Variants in CDV3 observed in about 807,000 individuals in gnomAD.
CDV3 encodes the protein protein CDV3 homolog.
Under a neutral mutation model 24.5 loss-of-function variants are expected in CDV3, and 14 were observed. That is an observed-to-expected ratio of 0.57 (90% CI 0.38 to 0.89). The LOEUF is 0.89. Ranked by LOEUF, CDV3 falls within the 40% of genes least tolerant of loss-of-function variation. The pLI is 0.00. For missense variants in CDV3, 304 were observed against 310.2 expected, an observed-to-expected ratio of 0.98 and a Z score of 0.15; for synonymous variants, 114 against 114.1, an observed-to-expected ratio of 1.00 and a Z score of 0.00.
At chr3:133,574,657 C>T (rs2074733632) in intron 1 of CDV3, 1 of 1,029,704 alleles carries the variant, frequency 9.7e-7, no homozygotes, top group Non-Finnish European at 1.2e-6. Flanking sequence ...TGAATTTTCG[C>T]TTTCAGCAGC....
Position 133,586,583 on chromosome 3 carries a change from G to A in CDV3, c.487G>A (p.Ala163Thr). ...ATTAGTTACAGAAACCCCAGAACCA[G>A]CGATGACTAGTGGTGTGTATAGGCC... ...PVIVTETPEPAMTSGVYRPPG... is the reference protein window; with the variant it reads ...PVIVTETPEPTMTSGVYRPPG... Residue 163 changes from alanine (A) to threonine (T), a missense_variant, in exon 4 of 5, where the codon GCG becomes ACG. By Grantham distance (58) the Ala-to-Thr change is moderately conservative. Around this residue, in one of 3 missense-constraint regions of CDV3, gnomAD observed 219 missense variants for 203.6 expected, o/e 1.08. Coordinates refer to ENST00000264993, the MANE Select transcript of CDV3 (RefSeq NM_017548.5). 6.3e-7 allele frequency: 1 copy of A among 1,591,668 alleles called. No homozygotes were observed. Among genetic ancestry groups the A allele is most frequent in the Non-Finnish European group, 8.6e-7 (1 of 1,161,122 alleles).
intron 4 of CDV3, chr3:133,587,147 A>G (rs1438560585): frequency 4.9e-5 from 62 of 1,255,590 alleles, no homozygotes; most frequent in Non-Finnish European, 6.1e-5. Context: ...TATTAAAATA[A>G]TCTTATTTCA....
chr3:133,577,259 C>T (rs564846278), intron 2 of CDV3, among the ~76,000 whole-genome samples: 7 of 152,160 alleles, frequency 4.6e-5, no homozygotes, highest in Admixed American at 3.9e-4. Context: ...ACACTCCTTC[C>T]CATATGTTCT....
chr3:133,588,674 C>T lies in CDV3; in HGVS notation c.*628C>T. ...CTGAAAAGAACTGATGTGTTCAGAT[C>T]ATCTGTGTAGGGCTGTGATTTGTAA... On this transcript the variant is annotated 3_prime_UTR_variant, in exon 5 of 5. Transcript: ENST00000264993. 2.3e-6 allele frequency: 1 copy of T among 431,218 alleles called. No homozygotes were observed. The allele number at this position is 431,218 out of a possible 1,614,324, so 26.7% of individuals were successfully genotyped here.
At chr3:133,579,620 T>C (rs1202284501) in intron 2 of CDV3, among the ~76,000 whole-genome samples, 2 of 152,196 alleles carry the variant, frequency 1.3e-5, no homozygotes, top group East Asian at 1.9e-4. Flanking sequence ...TGATAGAGTT[T>C]TTGCTTTTGT....
rs564990387 is a variant in CDV3 at position 133,584,472 on chromosome 3, G to A, written c.466+322G>A. Among the ~76,000 whole-genome samples, 21 of 152,238 alleles carry A rather than the reference G, an allele frequency of 1.4e-4. No individual in the cohort carries two copies. In the South Asian group the frequency reaches 2.1e-3, roughly 15 times the overall value. On this transcript the variant is annotated intron_variant, in intron 3 of 4. Coordinates refer to ENST00000264993, the MANE Select transcript of CDV3 (RefSeq NM_017548.5). ...TAAATATTAACTACTTGCTAATGGA[G>A]GAAAAGGTAAGGAAAAGACTTTAAT...
chr3:133,581,914 CTG>C (rs1933065848), intron 2 of CDV3, among the ~76,000 whole-genome samples: 2 of 152,280 alleles, frequency 1.3e-5, no homozygotes, highest in South Asian at 4.1e-4. Context: ...AAAAGGAAAA[CTG>C]AGAGATGGCT....
chr3:133,574,051 G>A lies in CDV3; in HGVS notation c.7G>A (p.Glu3Lys). ...GGTCGAGGAGGCCGAGGCCATGGCT[G>A]AGACGGAGGAGCGGAGCCTGGACAA... MA[E>K]TEERSLDNFF... Residue 3 changes from glutamate to lysine, a missense_variant, in exon 1 of 5, where the codon GAG (glutamate) becomes AAG (lysine). Transcript: ENST00000264993. 2 of 1,207,660 alleles carry A rather than the reference G, an allele frequency of 1.7e-6. No homozygotes were observed. 74.8% of individuals were successfully genotyped at this position (1,207,660 alleles called of 1,614,324 possible). A position where few individuals can be genotyped will look rare whatever the true frequency, so the allele number is the denominator to read the frequency against.
At chr3:133,579,773 A>G (rs2074947230) in intron 2 of CDV3, among the ~76,000 whole-genome samples, 1 of 152,050 alleles carries the variant, frequency 6.6e-6, no homozygotes, top group African/African-American at 2.4e-5. Flanking sequence ...TTGTATTTTT[A>G]GTAGAGACAG....
intron 2 of CDV3, among the ~76,000 whole-genome samples, chr3:133,583,099 G>A (rs1204331600): frequency 6.6e-6 from 1 of 152,166 alleles, no homozygotes; most frequent in Non-Finnish European, 1.5e-5. Context: ...AAGATGGTAT[G>A]TTACCACTGA....
intron 1 of CDV3, 106 bp downstream of exon 1, chr3:133,574,390 G>T (rs2074720322): frequency 1.1e-6 from 1 of 949,090 alleles, no homozygotes; most frequent in African/African-American, 1.8e-5. Flanking sequence ...GCGGAGGCCG[G>T]GCGGACGGGC....
Position 133,588,592 on chromosome 3 carries a change from T to C in CDV3, c.*546T>C. The C allele has an allele frequency of 3.4e-6, 2 of 595,220 alleles. No homozygotes were observed. The highest frequency in any genetic ancestry group is 6.0e-6 in the Non-Finnish European group (2 of 334,910). 36.9% of individuals were successfully genotyped at this position (595,220 alleles called of 1,614,324 possible). On this transcript the variant is annotated 3_prime_UTR_variant, in exon 5 of 5. Transcript: ENST00000264993. Reference sequence around the variant, plus strand: ...AATTAACCTGTCCTGTGCCCTACCCTTAAGGAATACTCTCTGTAGTAGGCT... The same window carrying C: ...AATTAACCTGTCCTGTGCCCTACCCCTAAGGAATACTCTCTGTAGTAGGCT...
chr3:133,575,251 C>G, intron 2 of CDV3, 136 bp downstream of exon 2: 1 of 564,202 alleles, frequency 1.8e-6, no homozygotes. Flanking sequence ...CAAATGGGTT[C>G]TGTCTACTCT....
chr3:133,577,612 G>A lies in CDV3; in HGVS notation c.317+2497G>A, dbSNP rs544702784. On this transcript the variant is annotated intron_variant, in intron 2 of 4. Coordinates refer to ENST00000264993, the MANE Select transcript of CDV3 (RefSeq NM_017548.5). ...CGACCTCGGGTGATCCACCCACCTCGGCCTTCCAAAGTGCTGGGATCACAG... is the reference window on the plus strand; with the variant it reads ...CGACCTCGGGTGATCCACCCACCTCAGCCTTCCAAAGTGCTGGGATCACAG... Among the ~76,000 whole-genome samples the A allele has an allele frequency of 2.6e-5, 4 of 151,996 alleles. No homozygotes were observed. The South Asian group carries it at 8.3e-4, about 32-fold the overall frequency.
intron 2 of CDV3, among the ~76,000 whole-genome samples, chr3:133,575,763 A>T (rs1019050040): frequency 1.3e-5 from 2 of 152,262 alleles, no homozygotes; most frequent in African/African-American, 4.8e-5. Flanking sequence ...AGTAATTTTT[A>T]AAAATTGGGT....
chr3:133,588,267 C>G lies in CDV3; in HGVS notation c.*221C>G, dbSNP rs1933810964. 3 of 1,541,550 alleles carry G rather than the reference C, an allele frequency of 1.9e-6. No homozygotes were observed. The highest frequency in any genetic ancestry group is 2.6e-6 in the Non-Finnish European group (3 of 1,146,190). ...GTTACATAAATGTGTGAACTAGTTT[C>G]AACAGTGTTCTTTCATATTTACTCT... is the stretch of plus-strand genomic sequence containing the variant. On this transcript the variant is annotated 3_prime_UTR_variant, in exon 5 of 5. Transcript: ENST00000264993.
Position 133,573,880 on chromosome 3 carries a change from G to C in CDV3, c.-165G>C, listed in dbSNP as rs1248735226. The stretch of plus-strand genomic sequence containing the variant: ...CCGTACCACCGCTCGCCAGCACGCA[G>C]GGGGAGCCGCCCGTCTCGCCGCGCA... On this transcript the variant is annotated 5_prime_UTR_variant, in exon 1 of 5. Transcript: ENST00000264993. 5.6e-6 allele frequency: 2 copies of C among 360,074 alleles called. No individual in the cohort carries two copies. Among genetic ancestry groups the C allele is most frequent in the African/African-American group, 4.4e-5 (2 of 45,076 alleles). 22.3% of individuals were successfully genotyped at this position (360,074 alleles called of 1,614,324 possible). A position where few individuals can be genotyped will look rare whatever the true frequency, so the allele number is the denominator to read the frequency against.
chr3:133,586,559 T>C lies in CDV3; in HGVS notation c.467-4T>C, dbSNP rs752369223. On this transcript the variant is annotated splice_region_variant and splice_polypyrimidine_tract_variant and intron_variant, in intron 3 of 4. Transcript: ENST00000264993. ...TTTATCTAAAAATTGTTATAAAATATTAGTTACAGAAACCCCAGAACCAGC... is the reference window on the plus strand; with the variant it reads ...TTTATCTAAAAATTGTTATAAAATACTAGTTACAGAAACCCCAGAACCAGC... 40 of 1,500,924 alleles carry C rather than the reference T, an allele frequency of 2.7e-5. No individual in the cohort carries two copies. Among genetic ancestry groups the C allele is most frequent in the Non-Finnish European group, 3.5e-5 (38 of 1,090,810 alleles). The allele number at this position is 1,500,924 out of a possible 1,614,324, so 93.0% of individuals were successfully genotyped here.
rs538982856 is a variant in CDV3 at position 133,582,699 on chromosome 3, C to G, written c.318-1303C>G. ...CAAGGGACAGAGTTTTGGGAACCAG[C>G]CTTTTTTTTATAGGAAGGTGGGGAA... On this transcript the variant is annotated intron_variant, in intron 2 of 4. Coordinates refer to ENST00000264993, the MANE Select transcript of CDV3 (RefSeq NM_017548.5). Among the ~76,000 whole-genome samples, 213 of 152,128 alleles carry G rather than the reference C, an allele frequency of 1.4e-3. 2 individuals are homozygous for G. The highest frequency in any genetic ancestry group is 4.8e-3 in the African/African-American group (199 of 41,496).
Sources: gnomAD v4.1 joint callset for allele counts (sites outside exome capture counted in the v4.1 genomes callset) on GRCh38, gnomAD v4.1.1 for gene constraint, gnomAD v4.1.1 regional missense constraint, MANE v1.5 for transcripts, NCBI Gene and HGNC (gene_info 2026-07-23, HGNC 2026-07-21) for gene names.